MYBBP1A: variants seen among roughly 807,000 people sequenced by gnomAD.
The protein encoded by MYBBP1A is myb-binding protein 1A.
MYBBP1A carries 147 observed loss-of-function variants against 136.3 expected under a neutral mutation model. That is an observed-to-expected ratio of 1.08 (90% confidence interval 0.94 to 1.24). The LOEUF is 1.24. Ranked by LOEUF, MYBBP1A falls within the 50% of genes most tolerant of loss-of-function variation. The pLI, the probability that MYBBP1A is intolerant of heterozygous loss-of-function variation, is 0.00. For missense variants in MYBBP1A, 2,060 were observed against 1,727.4 expected (o/e 1.19, Z -3.41); for synonymous variants, 947 against 735.8 (o/e 1.29, Z -4.65).
chr17:4,541,070 C>T (rs914741777), intron 24 of MYBBP1A, among the ~76,000 whole-genome samples: 1 of 152,270 alleles, frequency 6.6e-6, no homozygotes, highest in Non-Finnish European at 1.5e-5. Context: ...CCTCCAGCTG[C>T]CTCCCAGCCC....
In MYBBP1A at chr17:4,541,593, TC is replaced by T. The variant is rs1567603602; in HGVS notation, c.3196-30del. 2.5e-6 allele frequency: 4 copies of T among 1,598,418 alleles called. No individual in the cohort carries two copies. The East Asian group carries it at 6.7e-5, about 27-fold the overall frequency. On this transcript the variant is annotated intron_variant, in intron 23 of 25. Coordinates refer to ENST00000254718, the MANE Select transcript of MYBBP1A (RefSeq NM_014520.4). ...GGGAAGGGTGGCCAGGCTGAGGCACTCCGGAGAGCTGCTCAAAGCCTTTCTG... is the reference window on the plus strand; with the variant it reads ...GGGAAGGGTGGCCAGGCTGAGGCACTCGGAGAGCTGCTCAAAGCCTTTCTG...
chr17:4,544,613 G>A lies in MYBBP1A; in HGVS notation c.2515C>T (p.Gln839Ter). Residue 839 changes from glutamine (Q) to a stop codon, truncating the protein, a stop_gained, in exon 19 of 26, where the codon CAG becomes TAG. Transcript: ENST00000254718. LOFTEE classifies it high-confidence loss of function. Reference protein sequence around the residue: ...LDLVEVLVTKQPENALVLELL... With the variant: ...LDLVEVLVTK ...TCCAGGACCAGGGCATTCTCGGGCT[G>A]CTTGGTCACTAGCACCTCCACCAGG... 6.3e-7 allele frequency: 1 copy of A among 1,590,344 alleles called. No individual in the cohort carries two copies. The highest frequency in any genetic ancestry group is 8.6e-7 in the Non-Finnish European group (1 of 1,168,438).
rs1390908722 is a variant in MYBBP1A at position 4,552,845 on chromosome 17, T to C, written c.562-219A>G. Reference sequence around the variant, plus strand: ...GTACCTGCCCCCCACCCCTTATTTTTTTTTTTTAAGACAGAGTCTCACTTT... The same window carrying C: ...GTACCTGCCCCCCACCCCTTATTTTCTTTTTTTAAGACAGAGTCTCACTTT... On this transcript the variant is annotated intron_variant, in intron 5 of 25. Coordinates refer to ENST00000254718, the MANE Select transcript of MYBBP1A (RefSeq NM_014520.4). The surrounding 1 kb of genome is among the most constrained non-coding windows in gnomAD (Gnocchi z 4.7). 3.3e-5 allele frequency among the ~76,000 whole-genome samples: 5 copies of C among 151,924 alleles called. No homozygotes were observed. Among genetic ancestry groups the C allele is most frequent in the African/African-American group, 9.7e-5 (4 of 41,318 alleles).
chr17:4,538,963 T>C lies in MYBBP1A; in HGVS notation c.*452A>G, dbSNP rs1906053271. Reference sequence around the variant, plus strand: ...CTTTATTTTTTAGAGCTGCTGATTGTGAATCTCAGAGTCTTAAGAGAGAAG... The same window carrying C: ...CTTTATTTTTTAGAGCTGCTGATTGCGAATCTCAGAGTCTTAAGAGAGAAG... On this transcript the variant is annotated 3_prime_UTR_variant, in exon 26 of 26. Transcript: ENST00000254718. 2 of 787,930 alleles carry C rather than the reference T, an allele frequency of 2.5e-6. No individual in the cohort carries two copies. Among genetic ancestry groups the C allele is most frequent in the East Asian group, 2.4e-5 (1 of 41,290 alleles). The allele number at this position is 787,930 out of a possible 1,614,324, so 48.8% of individuals were successfully genotyped here.
rs755177258 is a variant in MYBBP1A, at chr17:4,549,284, C to T, written c.1430+48G>A. 1.9e-6 allele frequency: 3 copies of T among 1,575,984 alleles called. No individual in the cohort carries two copies. The Admixed American group carries it at 5.2e-5, about 27-fold the overall frequency. ...CTAGGACGAGTTAAGGGGCCCCATT[C>T]CTTGGCCACACGCCCATGGGAAGCT... On this transcript the variant is annotated intron_variant, in intron 10 of 25. Transcript: ENST00000254718.
Position 4,548,632 on chromosome 17 carries a change from G to C in MYBBP1A, c.1448C>G (p.Ser483Trp), listed in dbSNP as rs749059155. The stretch of plus-strand genomic sequence containing the variant: ...TGTGGGCTTCTTTGTGACAAAGAAC[G>C]AGTGGAACAAACAAAACCTGGGGAG... ...EQVARFCLFH[S>W]FFVTKKPTSQ... Residue 483 changes from serine to tryptophan, a missense_variant, in exon 11 of 26, where the codon TCG becomes TGG. Coordinates refer to ENST00000254718, the MANE Select transcript of MYBBP1A (RefSeq NM_014520.4). The surrounding 1 kb of genome is among the most constrained non-coding windows in gnomAD (Gnocchi z 4.2). 1.2e-6 allele frequency: 2 copies of C among 1,614,198 alleles called. No individual in the cohort carries two copies. Among genetic ancestry groups the C allele is most frequent in the Non-Finnish European group, 1.7e-6 (2 of 1,180,040 alleles).
rs770237482 is a variant in MYBBP1A, at chr17:4,544,801, T to C, written c.2431A>G (p.Lys811Glu). ...KLRIQARRDEKNKLQKEKALR... is the reference protein window; with the variant it reads ...KLRIQARRDEENKLQKEKALR... ...GCCTTCTCCTTCTGCAGCTTGTTCTTCTCGTCTCGCCGGGCCTGGATACGC... is the reference window on the plus strand; with the variant it reads ...GCCTTCTCCTTCTGCAGCTTGTTCTCCTCGTCTCGCCGGGCCTGGATACGC... The change falls in exon 18 of 26, where the codon AAG becomes GAG. Residue 811 changes from lysine to glutamate, a missense_variant. Lys to Glu is a moderately conservative substitution (Grantham distance 56). Transcript: ENST00000254718. The C allele has an allele frequency of 1.9e-6, 3 of 1,600,574 alleles. No homozygotes were observed. The highest frequency in any genetic ancestry group is 2.7e-5 in the African/African-American group (2 of 74,352).
chr17:4,540,268 T>TGCAGCGTGTGTGTGTGTGCA (rs957851036), intron 25 of MYBBP1A, 80 bp downstream of exon 25: 124 of 1,489,884 alleles, frequency 8.3e-5, no homozygotes, highest in Middle Eastern at 5.3e-4. Flanking sequence ...GCAGCGTGTG[T>TGCAGCGTGTGTGTGTGTGCA]GCAGCGTGTG....
intron 19 of MYBBP1A, among the ~76,000 whole-genome samples, chr17:4,543,846 G>A (rs528510670): frequency 5.9e-5 from 9 of 151,458 alleles, no homozygotes; most frequent in African/African-American, 9.7e-5. Context: ...CCTTCTCCAC[G>A]CTGCCAGCCG....
At chr17:4,543,188 C>A in intron 19 of MYBBP1A, 23 bp from the exon 20 acceptor site, 1 of 1,582,478 alleles carries the variant, frequency 6.3e-7, no homozygotes, top group Non-Finnish European at 8.6e-7. Flanking sequence ...AGGACGAGAG[C>A]TGGTCAGAAC....
In MYBBP1A at chr17:4,552,634, T is replaced by C. The variant is rs771584253; in HGVS notation, c.562-8A>G. 5 of 1,609,994 alleles carry C rather than the reference T, an allele frequency of 3.1e-6. No homozygotes were observed. The highest frequency in any genetic ancestry group is 1.1e-5 in the South Asian group (1 of 90,966). On this transcript the variant is annotated splice_region_variant and splice_polypyrimidine_tract_variant and intron_variant, in intron 5 of 25. Coordinates refer to ENST00000254718, the MANE Select transcript of MYBBP1A (RefSeq NM_014520.4). This position sits in a 1 kb window ranked among gnomAD's most constrained non-coding sequence, Gnocchi z 4.7. ...CAATGTGGCCTTCGAGACCTAAGGA[T>C]GGAGGGAGAAGAAATCGTGACTTCC... is the stretch of plus-strand genomic sequence containing the variant.
chr17:4,544,114 G>A (rs908003244), intron 19 of MYBBP1A, among the ~76,000 whole-genome samples: 8 of 151,282 alleles, frequency 5.3e-5, no homozygotes, highest in Admixed American at 3.9e-4. Flanking sequence ...TGGGTTGGGT[G>A]TCCCCTGCCA....
chr17:4,555,094 G>C (rs1907910282), intron 1 of MYBBP1A, 33 bp downstream of exon 1: 1 of 1,564,542 alleles, frequency 6.4e-7, no homozygotes, highest in African/African-American at 1.4e-5. Context: ...GCCGGGATAT[G>C]CGCAGCCTCT....
intron 22 of MYBBP1A, chr17:4,542,212 G>C (rs1906497900): frequency 1.7e-6 from 1 of 586,696 alleles, no homozygotes. Context: ...TGTGTGGCCA[G>C]ATGGGCAGCA....
At position 4,542,930 on chromosome 17, in the gene MYBBP1A, T is replaced by A; in HGVS notation, c.2875A>T (p.Met959Leu). 4 of 1,613,930 alleles carry A rather than the reference T, an allele frequency of 2.5e-6. No homozygotes were observed. Among genetic ancestry groups the A allele is most frequent in the Non-Finnish European group, 3.4e-6 (4 of 1,179,966 alleles). The change falls in exon 20 of 26, where the codon ATG (methionine) becomes TTG (leucine). Residue 959 changes from methionine to leucine, a missense_variant. Met to Leu is a conservative substitution (Grantham distance 15). Coordinates refer to ENST00000254718, the MANE Select transcript of MYBBP1A (RefSeq NM_014520.4). ...CTGCTCACCTGCGGGCCCGTGGGCATGTGGCTGGGGTCAGTGCCAGCTTTC... is the reference window on the plus strand; with the variant it reads ...CTGCTCACCTGCGGGCCCGTGGGCAAGTGGCTGGGGTCAGTGCCAGCTTTC... The part of the protein sequence containing the change: ...KQKAGTDPSH[M>L]PTGPQAASCL...
chr17:4,548,375 CCTCCCCAGGGCTCGGT>C lies in MYBBP1A; in HGVS notation c.1557-81_1557-66del, dbSNP rs1907191312. 14 of 1,603,774 alleles carry C rather than the reference CCTCCCCAGGGCTCGGT, an allele frequency of 8.7e-6. No homozygotes were observed. Among genetic ancestry groups the C allele is most frequent in the Non-Finnish European group, 1.2e-5 (14 of 1,174,650 alleles). On this transcript the variant is annotated intron_variant, in intron 11 of 25. Coordinates refer to ENST00000254718, the MANE Select transcript of MYBBP1A (RefSeq NM_014520.4). The surrounding 1 kb of genome is among the most constrained non-coding windows in gnomAD (Gnocchi z 4.2). ...AGTCAATGTAGCCGCCTCCCTCCGC[CCTCCCCAGGGCTCGGT>C]CTCCCGCCTCTCCAGGACCTACTAG...
intron 5 of MYBBP1A, 79 bp downstream of exon 5, chr17:4,553,731 T>C (rs954376528): frequency 2.8e-6 from 3 of 1,066,704 alleles, no homozygotes; most frequent in African/African-American, 3.1e-5. Context: ...AACAGTGCTG[T>C]TCCAGATTCT....
Position 4,540,385 on chromosome 17 carries a change from C to T in MYBBP1A, c.3397G>A (p.Asp1133Asn), listed in dbSNP as rs141378997. Reference sequence around the variant, plus strand: ...GTTTTCATGGCCTGCCAGTAGAGGTCGTGCAGGCGGCTGGAGCCGGTGGAG... The same window carrying T: ...GTTTTCATGGCCTGCCAGTAGAGGTTGTGCAGGCGGCTGGAGCCGGTGGAG... ...AHSTGSSRLH[D>N]LYWQAMKTLG... The change falls in exon 25 of 26, where the codon GAC becomes AAC. Residue 1133 changes from aspartate (D) to asparagine (N), a missense_variant. Transcript: ENST00000254718. 5.3e-4 allele frequency: 852 copies of T among 1,609,912 alleles called. 7 individuals are homozygous for T. The South Asian group carries it at 5.8e-3, about 11-fold the overall frequency.
rs1454031680 is a variant in MYBBP1A at position 4,553,916 on chromosome 17, T to G, written c.455A>C (p.Asp152Ala). The G allele has an allele frequency of 2.5e-6, 4 of 1,614,032 alleles. No individual in the cohort carries two copies. The East Asian group carries it at 6.7e-5, about 27-fold the overall frequency. The change falls in exon 5 of 26, where the codon GAC becomes GCC. Residue 152 changes from aspartate (D) to alanine (A), a missense_variant and splice_region_variant. Transcript: ENST00000254718. Reference sequence around the variant, plus strand: ...CACCGACTTCATCAGTGCCTCCTGGTCCTGGTCCCCACAGAGGGACAGAGG... The same window carrying G: ...CACCGACTTCATCAGTGCCTCCTGGGCCTGGTCCCCACAGAGGGACAGAGG... ...ALFQSGRLVK[D>A]QEALMKSVKL...
Sources: gnomAD v4.1 joint callset for allele counts (sites outside exome capture counted in the v4.1 genomes callset) on GRCh38, gnomAD v4.1.1 for gene constraint, Gnocchi (gnomAD v3.1) non-coding constraint, MANE v1.5 for transcripts, NCBI Gene and HGNC (gene_info 2026-07-23, HGNC 2026-07-21) for gene names.